DEFB109B: variants seen among roughly 807,000 people sequenced by gnomAD.
DEFB109B encodes the protein defensin beta 109B.
At chr8:7,316,849 G>A (rs1447020476) in intron 1 of DEFB109B, among the ~76,000 whole-genome samples, 8 of 126,714 alleles carry the variant, frequency 6.3e-5, no homozygotes, top group Admixed American at 5.9e-4. Flanking sequence ...CACCATCTTG[G>A]GCATGCTGTT....
At chr8:7,310,561 C>T (rs1165757070), upstream of DEFB109B, among the ~76,000 whole-genome samples, 1 of 138,688 alleles carries the variant, frequency 7.2e-6, no homozygotes, top group Non-Finnish European at 1.5e-5. Flanking sequence ...TTGTCATCTG[C>T]ACCTCTGCCT....
At chr8:7,315,302 G>T (rs71509284) in intron 1 of DEFB109B, among the ~76,000 whole-genome samples, 2 of 130,422 alleles carry the variant, frequency 1.5e-5, no homozygotes, top group Non-Finnish European at 3.0e-5. Flanking sequence ...CAGATCACGA[G>T]GTCAGTGGCT....
intron 1 of DEFB109B, among the ~76,000 whole-genome samples, chr8:7,313,867 T>C (rs1182883905): frequency 8.2e-6 from 1 of 122,328 alleles, no homozygotes; most frequent in Non-Finnish European, 1.6e-5. Context: ...GAGAACATGC[T>C]TAAAATAACT....
intron 1 of DEFB109B, among the ~76,000 whole-genome samples, chr8:7,315,413 C>A (rs1335082131): frequency 6.6e-5 from 9 of 137,300 alleles, no homozygotes; most frequent in Non-Finnish European, 1.3e-4. Context: ...GCAGGACAAT[C>A]ACTTGAACCC....
chr8:7,319,184 G>A (rs1373911184), intron 1 of DEFB109B: 6 of 128,684 alleles, frequency 4.7e-5, no homozygotes, highest in Middle Eastern at 3.7e-3. Context: ...AAATAGCACT[G>A]GGAGGGTTCA....
intron 1 of DEFB109B, among the ~76,000 whole-genome samples, chr8:7,315,189 T>C (rs1446515617): frequency 1.2e-5 from 1 of 86,916 alleles, no homozygotes; most frequent in Non-Finnish European, 2.0e-5. Flanking sequence ...CTCCATCTGA[T>C]CTTACCTAGG....
At chr8:7,310,829 T>A (rs1205290770), upstream of DEFB109B, among the ~76,000 whole-genome samples, 6 of 140,814 alleles carry the variant, frequency 4.3e-5, no homozygotes, top group South Asian at 2.2e-4. Context: ...TGCAAAAATA[T>A]CTTTAACTAA....
chr8:7,315,931 C>A (rs1802891672), intron 1 of DEFB109B, among the ~76,000 whole-genome samples: 1 of 65,398 alleles, frequency 1.5e-5, no homozygotes, highest in African/African-American at 9.8e-5. Context: ...AAGTTCACTT[C>A]TTTCCAGAAT....
chr8:7,311,807 C>T (rs1452467970), upstream of DEFB109B, among the ~76,000 whole-genome samples: 1 of 24,112 alleles, frequency 4.1e-5, no homozygotes, highest in Non-Finnish European at 6.1e-5. Context: ...TTTTCCTTCC[C>T]AAAGCAAATA....
upstream of DEFB109B, among the ~76,000 whole-genome samples, chr8:7,310,586 T>C (rs1802564560): frequency 7.1e-6 from 1 of 140,866 alleles, no homozygotes; most frequent in Non-Finnish European, 1.5e-5. Context: ...TAATACTGTG[T>C]GTGTGTGTGT....
At chr8:7,319,856 A>T (rs1277742052) in exon 2 of DEFB109B, 16 of 78,536 alleles carry the variant, frequency 2.0e-4, no homozygotes, top group Admixed American at 9.1e-4. Flanking sequence ...CCGAAGAAGG[A>T]TGAAGTGCTG....
At chr8:7,315,783 T>C (rs959180933) in intron 1 of DEFB109B, among the ~76,000 whole-genome samples, 3 of 145,626 alleles carry the variant, frequency 2.1e-5, no homozygotes, top group Non-Finnish European at 4.4e-5. Flanking sequence ...TTACTCTGAA[T>C]TTAAGTTAAT....
At chr8:7,312,093 G>GT (rs1802638598), upstream of DEFB109B, among the ~76,000 whole-genome samples, 1 of 98,216 alleles carries the variant, frequency 1.0e-5, no homozygotes. Flanking sequence ...CTTTACTTGG[G>GT]TGGGGGGGGG....
At chr8:7,317,443 T>C (rs1461883996) in intron 1 of DEFB109B, among the ~76,000 whole-genome samples, 17 of 146,910 alleles carry the variant, frequency 1.2e-4, no homozygotes, top group African/African-American at 4.7e-4. Flanking sequence ...GTTTTTGTGT[T>C]TGAAAGAGGA....
At chr8:7,313,707 G>A (rs1353719262) in intron 1 of DEFB109B, among the ~76,000 whole-genome samples, 6 of 142,858 alleles carry the variant, frequency 4.2e-5, no homozygotes, top group African/African-American at 1.8e-4. Flanking sequence ...AAAAAAAACA[G>A]CATAATAAAC....
chr8:7,312,480 T>C (rs567334577), upstream of DEFB109B, among the ~76,000 whole-genome samples: 1 of 145,110 alleles, frequency 6.9e-6, no homozygotes, highest in East Asian at 1.9e-4. Flanking sequence ...TTATGTACTT[T>C]TTGTGTATAA....
chr8:7,315,917 G>C (rs1390405599), intron 1 of DEFB109B, among the ~76,000 whole-genome samples: 25 of 96,942 alleles, frequency 2.6e-4, no homozygotes, highest in Non-Finnish European at 4.4e-4. Context: ...CTAAACAAAA[G>C]TAAAAGTTCA....
At chr8:7,316,620 G>GGTTTT (rs1183346283) in intron 1 of DEFB109B, among the ~76,000 whole-genome samples, 3 of 128,660 alleles carry the variant, frequency 2.3e-5, no homozygotes, top group South Asian at 2.4e-4. Flanking sequence ...ACTGCATTTT[G>GGTTTT]GTTTTGTTTT....
At chr8:7,320,062 T>C (rs1239415891), downstream of DEFB109B, 8 of 13,258 alleles carry the variant, frequency 6.0e-4, no homozygotes, top group African/African-American at 3.9e-3. Flanking sequence ...TTTTCACTTA[T>C]CAACATAAAT....
Sources: allele counts gnomAD v4.1 joint callset (sites outside exome capture counted in the v4.1 genomes callset), GRCh38; gene constraint gnomAD v4.1.1; transcripts MANE v1.5; gene names NCBI Gene and HGNC (gene_info 2026-07-23, HGNC 2026-07-21).